The following ARHGAP44 variants were observed in gnomAD, a reference collection of about 807,000 sequenced individuals.
The protein encoded by ARHGAP44 is rho GTPase-activating protein 44.
A neutral mutation model predicts 106.8 loss-of-function variants in ARHGAP44; 43 were observed. The ratio of observed to expected loss-of-function variants is 0.40; its 90% CI spans 0.32 to 0.52. The LOEUF (loss-of-function observed/expected upper bound fraction) is 0.52. Among genes scored for constraint, ARHGAP44 ranks in the 20% least tolerant of loss-of-function variants. The probability of loss-of-function intolerance (pLI) is 0.48; values close to 1 mark genes in which losing one functional copy is unlikely to be tolerated. For synonymous variants in ARHGAP44, 439 were observed against 410.3 expected (o/e 1.07, Z -0.85); for missense variants, 866 against 1,050.5 (o/e 0.82, Z 2.43).
chr17:12,849,568 CTTTTTTTTTTTT>C (rs776346185), intron 1 of ARHGAP44, among the ~76,000 whole-genome samples: 6 of 69,966 alleles, frequency 8.6e-5, no homozygotes, highest in East Asian at 4.7e-4. Flanking sequence ...TACTTTTGTC[CTTTTTTTTTTTT>C]TTTTTTTTTT....
At position 12,909,059 on chromosome 17, in the gene ARHGAP44, A is replaced by C; in HGVS notation, c.275+86A>C. The C allele has an allele frequency of 4.3e-6, 5 of 1,160,032 alleles. No homozygotes were observed. In the South Asian group the frequency reaches 6.3e-5, roughly 15 times the overall value. 71.9% of individuals were successfully genotyped at this position (1,160,032 alleles called of 1,614,324 possible). A position where few individuals can be genotyped will look rare whatever the true frequency, so the allele number is the denominator to read the frequency against. ...GGGGACTAGACCCTCTCAGGGAAGC[A>C]CCTGAATTCTCACTGGGGACTTTAG... On this transcript the variant is annotated intron_variant, in intron 4 of 20. Transcript: ENST00000379672.
intron 7 of ARHGAP44, among the ~76,000 whole-genome samples, chr17:12,933,993 C>T (rs561388543): frequency 3.9e-5 from 6 of 152,066 alleles, no homozygotes; most frequent in Admixed American, 2.6e-4. Context: ...GGATTACAAG[C>T]GCCTGCCACC....
chr17:12,856,053 G>A (rs1017469003), intron 1 of ARHGAP44, among the ~76,000 whole-genome samples: 13 of 152,190 alleles, frequency 8.5e-5, no homozygotes, highest in Non-Finnish European at 1.5e-4. Flanking sequence ...CCTAATGATA[G>A]CCGGTATCCC....
intron 1 of ARHGAP44, among the ~76,000 whole-genome samples, chr17:12,862,463 G>T (rs2036114845): frequency 6.6e-6 from 1 of 152,128 alleles, no homozygotes; most frequent in Non-Finnish European, 1.5e-5. Context: ...GGAGCATAGG[G>T]GGCAGCCTTT....
At position 12,952,000 on chromosome 17, in the gene ARHGAP44, T is replaced by C. The variant is rs181696203; in HGVS notation, c.1056-501T>C. Among the ~76,000 whole-genome samples the C allele has an allele frequency of 4.5e-3, 690 of 152,232 alleles. 2 individuals carry two copies. The highest frequency in any genetic ancestry group is 0.013 in the African/African-American group (548 of 41,538). The stretch of plus-strand genomic sequence containing the variant: ...GCCAACTCAGCAGGACACAGACAGA[T>C]CTGCCATAAGATGGGACATCCGGGG... On this transcript the variant is annotated intron_variant, in intron 12 of 20. Coordinates refer to ENST00000379672, the MANE Select transcript of ARHGAP44 (RefSeq NM_014859.6).
chr17:12,977,997 C>A (rs2039729982), intron 18 of ARHGAP44, among the ~76,000 whole-genome samples: 1 of 127,022 alleles, frequency 7.9e-6, no homozygotes, highest in Non-Finnish European at 1.6e-5. Context: ...GAGATCATGG[C>A]ACTATACTCC....
intron 1 of ARHGAP44, among the ~76,000 whole-genome samples, chr17:12,839,879 C>T (rs989501562): frequency 3.9e-5 from 6 of 152,154 alleles, no homozygotes; most frequent in African/African-American, 1.2e-4. Context: ...ACAGGAAAAT[C>T]GTGTTAGTTT....
intron 1 of ARHGAP44, among the ~76,000 whole-genome samples, chr17:12,833,906 C>A (rs576919859): frequency 1.3e-5 from 2 of 150,634 alleles, no homozygotes; most frequent in Admixed American, 1.3e-4. Context: ...TTTTATCATG[C>A]GGGTGAAACC....
At chr17:12,982,078 C>A (rs2039847853) in intron 19 of ARHGAP44, among the ~76,000 whole-genome samples, 1 of 152,108 alleles carries the variant, frequency 6.6e-6, no homozygotes, top group African/African-American at 2.4e-5. Context: ...AAGTCATTGT[C>A]TCGTCCAGTG....
intron 1 of ARHGAP44, among the ~76,000 whole-genome samples, chr17:12,842,957 T>C (rs55856800): frequency 0.087 from 13,256 of 152,118 alleles, 1,157 homozygotes; most frequent in African/African-American, 0.23. Flanking sequence ...CAGTATATTC[T>C]CCTAACTCCA....
At chr17:12,921,474 G>A (rs2038083098) in intron 6 of ARHGAP44, among the ~76,000 whole-genome samples, 1 of 152,104 alleles carries the variant, frequency 6.6e-6, no homozygotes, top group Non-Finnish European at 1.5e-5. Context: ...GGTCTCCCAA[G>A]TAGCTGGGAC....
intron 3 of ARHGAP44, among the ~76,000 whole-genome samples, chr17:12,900,692 C>T (rs980415715): frequency 6.6e-6 from 1 of 152,118 alleles, no homozygotes; most frequent in African/African-American, 2.4e-5. Flanking sequence ...AGAAGCTCAC[C>T]ACCCAGGGGG....
intron 10 of ARHGAP44, among the ~76,000 whole-genome samples, chr17:12,946,018 C>T (rs1372504254): frequency 6.6e-6 from 1 of 152,130 alleles, no homozygotes; most frequent in African/African-American, 2.4e-5. Context: ...CTCGGCCTCC[C>T]AAAGTGCTGA....
At chr17:12,836,766 A>G (rs990587997) in intron 1 of ARHGAP44, among the ~76,000 whole-genome samples, 3 of 152,204 alleles carry the variant, frequency 2.0e-5, no homozygotes, top group Non-Finnish European at 4.4e-5. Flanking sequence ...AGAGGCTCAA[A>G]ATACATGAAG....
chr17:12,912,855 A>G (rs1024505822), intron 4 of ARHGAP44, among the ~76,000 whole-genome samples: 2 of 152,202 alleles, frequency 1.3e-5, no homozygotes, highest in African/African-American at 4.8e-5. Flanking sequence ...ATACCGTGAC[A>G]TACGTGGCCT....
chr17:12,836,219 C>A (rs1350152788), intron 1 of ARHGAP44, among the ~76,000 whole-genome samples: 1 of 152,118 alleles, frequency 6.6e-6, no homozygotes, highest in Non-Finnish European at 1.5e-5. Context: ...GCTTGAAGAG[C>A]AGAACGGAGC....
At chr17:12,867,827 C>T (rs994200129) in intron 1 of ARHGAP44, among the ~76,000 whole-genome samples, 1 of 152,190 alleles carries the variant, frequency 6.6e-6, no homozygotes, top group Non-Finnish European at 1.5e-5. Flanking sequence ...TGGTCTCTGA[C>T]AAACCACATA....
chr17:12,873,131 A>G lies in ARHGAP44; in HGVS notation c.54-21809A>G, dbSNP rs551927515. On this transcript the variant is annotated intron_variant, in intron 1 of 20. Transcript: ENST00000379672. ...TTTGCATCCCCACATTAGAGTAACC[A>G]TGCCATTTTTTTCCCCTCCTCTCTC... is the stretch of plus-strand genomic sequence containing the variant. Among the ~76,000 whole-genome samples the G allele has an allele frequency of 1.3e-3, 189 of 141,576 alleles. 2 individuals are homozygous for G. The highest frequency in any genetic ancestry group is 3.7e-3 in the African/African-American group (138 of 37,256). 92.9% of individuals were successfully genotyped at this position (141,576 alleles called of 152,430 possible). A position where few individuals can be genotyped will look rare whatever the true frequency, so the allele number is the denominator to read the frequency against.
intron 1 of ARHGAP44, among the ~76,000 whole-genome samples, chr17:12,879,767 G>A (rs958276625): frequency 6.6e-6 from 1 of 150,692 alleles, no homozygotes; most frequent in African/African-American, 2.4e-5. Flanking sequence ...AGGGGTTTGG[G>A]GCACTCATCC....
Sources: gnomAD v4.1 joint callset for allele counts (sites outside exome capture counted in the v4.1 genomes callset) on GRCh38, gnomAD v4.1.1 for gene constraint, MANE v1.5 for transcripts, NCBI Gene and HGNC (gene_info 2026-07-23, HGNC 2026-07-21) for gene names.